The following ZNF423 variants were observed in gnomAD, a reference collection of about 807,000 sequenced individuals.
The protein encoded by ZNF423 is Ebf-associated zinc finger protein.
ZNF423 carries 12 observed loss-of-function variants against 95.8 expected under a neutral mutation model. That is an observed-to-expected ratio of 0.13 (90% CI 0.08 to 0.20). ZNF423 has a LOEUF of 0.20. Among genes scored for constraint, ZNF423 ranks in the 10% least tolerant of loss-of-function variants. ZNF423 has a pLI of 1.00. For missense variants in ZNF423, 1,316 were observed against 1,737.1 expected (o/e 0.76, Z 4.31); for synonymous variants, 749 against 711.9 (o/e 1.05, Z -0.83).
At chr16:49,770,598 A>C (rs2034015169) in intron 2 of ZNF423, among the ~76,000 whole-genome samples, 1 of 152,020 alleles carries the variant, frequency 6.6e-6, no homozygotes, top group Non-Finnish European at 1.5e-5. Context: ...TCACGTGCAA[A>C]GGGTTTGTGG....
chr16:49,634,296 TC>T (rs1042832766), intron 4 of ZNF423, among the ~76,000 whole-genome samples: 3 of 151,538 alleles, frequency 2.0e-5, no homozygotes, highest in African/African-American at 7.3e-5. Flanking sequence ...GCAGCCTTGA[TC>T]TTCCAAACTC....
chr16:49,700,697 C>T (rs887178419), intron 3 of ZNF423, among the ~76,000 whole-genome samples: 3 of 152,212 alleles, frequency 2.0e-5, no homozygotes, highest in South Asian at 2.1e-4. Context: ...TCAGCCTGCT[C>T]GGGGTGGGTG....
In ZNF423 at chr16:49,637,456, G is replaced by A; in HGVS notation, c.1720C>T (p.Pro574Ser). 1 of 1,614,086 alleles carries A rather than the reference G, an allele frequency of 6.2e-7. No homozygotes were observed. The highest frequency in any genetic ancestry group is 8.5e-7 in the Non-Finnish European group (1 of 1,180,022). Residue 574 changes from proline to serine, a missense_variant, in exon 4 of 8, where the codon CCC (proline) becomes TCC (serine). Transcript: ENST00000563137. This position sits in a 1 kb window ranked among gnomAD's most constrained non-coding sequence, Gnocchi z 5.6. Reference protein sequence around the residue: ...TQSFMEVYSCPYCTNSPIFGS... With the variant: ...TQSFMEVYSCSYCTNSPIFGS... ...AAGATGGGGGAGTTGGTGCAGTAGG[G>A]GCAGGAATAGACCTCCATGAAGGAC...
chr16:49,718,589 TAAC>T (rs2143231059), intron 3 of ZNF423, among the ~76,000 whole-genome samples: 1 of 152,308 alleles, frequency 6.6e-6, no homozygotes, highest in East Asian at 1.9e-4. Flanking sequence ...CAGGCTCATA[TAAC>T]AACAATACCA....
chr16:49,835,177 C>A (rs1268267143), intron 1 of ZNF423, among the ~76,000 whole-genome samples: 1 of 152,168 alleles, frequency 6.6e-6, no homozygotes, highest in African/African-American at 2.4e-5. Context: ...CCAGAGCCCC[C>A]ACACCCCATG....
At chr16:49,561,244 T>G (rs1239536070) in intron 5 of ZNF423, among the ~76,000 whole-genome samples, 1 of 152,150 alleles carries the variant, frequency 6.6e-6, no homozygotes, top group Non-Finnish European at 1.5e-5. Context: ...GTGGGAGTAT[T>G]TACACCACAG....
intron 2 of ZNF423, among the ~76,000 whole-genome samples, chr16:49,782,610 G>T (rs1238632176): frequency 6.6e-6 from 1 of 152,140 alleles, no homozygotes; most frequent in African/African-American, 2.4e-5. Context: ...TACCTAACCT[G>T]CCCAGGCATT....
chr16:49,636,654 AAC>A lies in ZNF423; in HGVS notation c.2520_2521del (p.Phe841Ter). 6.2e-7 allele frequency: 1 copy of A among 1,614,070 alleles called. No homozygotes were observed. Among genetic ancestry groups the A allele is most frequent in the Non-Finnish European group, 8.5e-7 (1 of 1,180,012 alleles). On this transcript the variant is annotated frameshift_variant, in exon 4 of 8. Transcript: ENST00000563137. LOFTEE classifies it high-confidence loss of function. This position sits in a 1 kb window ranked among gnomAD's most constrained non-coding sequence, Gnocchi z 8.6. ...CGTGCCGTTCTCGGTCGCAGCATCA[AAC>A]ACACAGTGCTTCTCCCGCAGGTGCT...
chr16:49,516,104 G>A (rs73578457), intron 7 of ZNF423, among the ~76,000 whole-genome samples: 27 of 152,328 alleles, frequency 1.8e-4, no homozygotes, highest in African/African-American at 6.3e-4. Context: ...CCAGGTCAAA[G>A]GCGCTCAGAG....
intron 3 of ZNF423, among the ~76,000 whole-genome samples, chr16:49,665,676 C>T (rs2030504846): frequency 6.6e-6 from 1 of 152,132 alleles, no homozygotes; most frequent in Non-Finnish European, 1.5e-5. Flanking sequence ...AGCACCGCCC[C>T]CCACCCCAGC....
At chr16:49,663,815 T>C (rs375635361) in intron 3 of ZNF423, among the ~76,000 whole-genome samples, 17 of 152,024 alleles carry the variant, frequency 1.1e-4, no homozygotes, top group African/African-American at 4.1e-4. Flanking sequence ...CCCAGGGCCC[T>C]CCCCATCCCC....
At chr16:49,516,199 T>A (rs1256625250) in intron 7 of ZNF423, among the ~76,000 whole-genome samples, 1 of 152,176 alleles carries the variant, frequency 6.6e-6, no homozygotes, top group African/African-American at 2.4e-5. Context: ...CCTGGGCACC[T>A]GGCTCCTCCC....
chr16:49,837,025 C>T (rs913174975), intron 1 of ZNF423, among the ~76,000 whole-genome samples: 1 of 152,150 alleles, frequency 6.6e-6, no homozygotes, highest in South Asian at 2.1e-4. Context: ...GGACTGTGGA[C>T]GCCGGGACAC....
chr16:49,529,963 G>A (rs998325656), intron 5 of ZNF423, among the ~76,000 whole-genome samples: 1 of 152,116 alleles, frequency 6.6e-6, no homozygotes, highest in Non-Finnish European at 1.5e-5. Flanking sequence ...CTGTCTAGGA[G>A]AAGACCAATG....
At chr16:49,617,234 G>A (rs896389263) in intron 5 of ZNF423, among the ~76,000 whole-genome samples, 1 of 152,224 alleles carries the variant, frequency 6.6e-6, no homozygotes, top group Non-Finnish European at 1.5e-5. Flanking sequence ...CTTTCTCCCC[G>A]CTGGGCCCCA....
chr16:49,607,030 GC>G (rs953863461), intron 5 of ZNF423, among the ~76,000 whole-genome samples: 7 of 151,180 alleles, frequency 4.6e-5, no homozygotes, highest in African/African-American at 1.7e-4. Flanking sequence ...GCAGAAAGAA[GC>G]CCCAAAATGT....
chr16:49,515,902 C>T (rs1051116352), intron 7 of ZNF423, among the ~76,000 whole-genome samples: 17 of 152,166 alleles, frequency 1.1e-4, no homozygotes, highest in African/African-American at 4.1e-4. Flanking sequence ...GCGACCCCTC[C>T]CCTCAGGGTG....
At chr16:49,574,375 C>T (rs771367212) in intron 5 of ZNF423, among the ~76,000 whole-genome samples, 48 of 152,330 alleles carry the variant, frequency 3.2e-4, no homozygotes, top group Non-Finnish European at 5.3e-4. Context: ...AAGATCCTGT[C>T]TCTAAAAAGA....
At chr16:49,646,188 G>C (rs926572873) in intron 3 of ZNF423, among the ~76,000 whole-genome samples, 5 of 152,204 alleles carry the variant, frequency 3.3e-5, no homozygotes, top group Admixed American at 3.3e-4. Flanking sequence ...AGAGCCTGGG[G>C]TAATAAGAGC....
Sources: allele counts gnomAD v4.1 joint callset (sites outside exome capture counted in the v4.1 genomes callset), GRCh38; gene constraint gnomAD v4.1.1; non-coding constraint Gnocchi (gnomAD v3.1); transcripts MANE v1.5; gene names NCBI Gene and HGNC (gene_info 2026-07-23, HGNC 2026-07-21).